Variants in AGBL1 observed in about 807,000 individuals in gnomAD.
The protein encoded by AGBL1 is AGBL carboxypeptidase 1.
A neutral mutation model predicts 118.9 loss-of-function variants in AGBL1; 130 were observed. That is an observed-to-expected ratio of 1.09 (90% CI 0.95 to 1.26). The LOEUF is 1.26. Ranked by LOEUF, AGBL1 falls within the 50% of genes most tolerant of loss-of-function variation. AGBL1 has a pLI of 0.00. For synonymous variants in AGBL1, 555 were observed against 478.9 expected, an observed-to-expected ratio of 1.16 and a Z score of -2.08; for missense variants, 1,584 against 1,298.1, an observed-to-expected ratio of 1.22 and a Z score of -3.38.
intron 5 of AGBL1, among the ~76,000 whole-genome samples, chr15:86,172,572 C>G (rs1365558612): frequency 6.6e-6 from 1 of 152,158 alleles, no homozygotes; most frequent in African/African-American, 2.4e-5. Context: ...CTTTTTAGCT[C>G]AGACATGTGA....
chr15:86,553,235 A>G (rs1236566298), intron 20 of AGBL1, among the ~76,000 whole-genome samples: 1 of 152,206 alleles, frequency 6.6e-6, no homozygotes, highest in East Asian at 1.9e-4. Context: ...TGTTAATGTC[A>G]TAAAAGTTCT....
At chr15:86,265,817 G>T (rs1045539300) in intron 11 of AGBL1, among the ~76,000 whole-genome samples, 1 of 152,162 alleles carries the variant, frequency 6.6e-6, no homozygotes, top group Non-Finnish European at 1.5e-5. Context: ...TGGAAATTCA[G>T]GAAGGTAATC....
rs115724885 is a variant in AGBL1, at chr15:86,253,103, G to A, written c.736-3750G>A. ...CTCAGGTGGGGGAGTAGAGTGGGAG[G>A]TGGGTGAGCTTGAGAAACACAGACA... On this transcript the variant is annotated intron_variant, in intron 7 of 22. Transcript: ENST00000614907. Among the ~76,000 whole-genome samples the A allele has an allele frequency of 6.4e-3, 969 of 152,258 alleles. 13 individuals are homozygous for A. Among genetic ancestry groups the A allele is most frequent in the African/African-American group, 0.022 (929 of 41,548 alleles).
At chr15:86,346,928 A>G (rs904191640) in intron 17 of AGBL1, among the ~76,000 whole-genome samples, 2 of 152,144 alleles carry the variant, frequency 1.3e-5, no homozygotes, top group African/African-American at 4.8e-5. Context: ...TTGTAGGTCA[A>G]CTTGGAAGGC....
intron 6 of AGBL1, among the ~76,000 whole-genome samples, chr15:86,243,144 AT>A (rs35453049): frequency 2.8e-4 from 43 of 151,582 alleles, no homozygotes; most frequent in African/African-American, 9.0e-4. Flanking sequence ...AAAAGGATAC[AT>A]TTTTTTTTCC....
At chr15:86,829,969 C>T (rs1053370749) in intron 22 of AGBL1, among the ~76,000 whole-genome samples, 13 of 152,000 alleles carry the variant, frequency 8.6e-5, no homozygotes, top group Non-Finnish European at 1.6e-4. Flanking sequence ...TTTTCACACA[C>T]CCCCAGGAGG....
At chr15:86,646,891 A>G (rs901934268) in intron 21 of AGBL1, among the ~76,000 whole-genome samples, 7 of 152,216 alleles carry the variant, frequency 4.6e-5, no homozygotes, top group African/African-American at 1.7e-4. Flanking sequence ...GATATATTTT[A>G]AAAATCAACA....
At chr15:86,515,795 C>G (rs1226042433) in intron 18 of AGBL1, among the ~76,000 whole-genome samples, 1 of 152,148 alleles carries the variant, frequency 6.6e-6, no homozygotes, top group Non-Finnish European at 1.5e-5. Context: ...ACAAAAGTAT[C>G]TGAGACAGAT....
At chr15:86,257,934 C>T in intron 8 of AGBL1, 30 bp from the exon 9 acceptor site, 3 of 1,606,358 alleles carry the variant, frequency 1.9e-6, no homozygotes, top group Non-Finnish European at 2.6e-6. Flanking sequence ...GGGGAAACTT[C>T]ACTTATTTCA....
chr15:86,907,453 T>C lies in AGBL1; in HGVS notation c.*159T>C, dbSNP rs1326022013. The stretch of plus-strand genomic sequence containing the variant: ...CCCATTTCCAGATTTTGTTCTAGTT[T>C]CCCTATGCGTAGAAGCTAGCCACTT... On this transcript the variant is annotated 3_prime_UTR_variant, in exon 23 of 23. Coordinates refer to ENST00000614907, the MANE Select transcript of AGBL1 (RefSeq NM_001386094.1). The C allele has an allele frequency of 2.0e-5, 3 of 152,392 alleles. No homozygotes were observed. The highest frequency in any genetic ancestry group is 1.9e-4 in the East Asian group (1 of 5,182). The allele number at this position is 152,392 out of a possible 1,614,324, so 9.4% of individuals were successfully genotyped here. A position where few individuals can be genotyped will look rare whatever the true frequency, so the allele number is the denominator to read the frequency against.
chr15:86,759,374 G>GT (rs2141268404), intron 22 of AGBL1, among the ~76,000 whole-genome samples: 1 of 152,152 alleles, frequency 6.6e-6, no homozygotes, highest in African/African-American at 2.4e-5. Context: ...CTCTTAGTCT[G>GT]TTTTCTCACT....
Position 86,097,315 on chromosome 15 carries a change from G to A in AGBL1, c.51+17292G>A, listed in dbSNP as rs984868510. Among the ~76,000 whole-genome samples, 5 of 152,136 alleles carry A rather than the reference G, an allele frequency of 3.3e-5. No homozygotes were observed. The East Asian group carries it at 9.6e-4, about 29-fold the overall frequency. On this transcript the variant is annotated intron_variant, in intron 1 of 22. Transcript: ENST00000614907. Reference sequence around the variant, plus strand: ...AGTATTTGTTGTTTCTGTATGTTGAGAACATTTCAGGTTCTCTCTTCTAGC... The same window carrying A: ...AGTATTTGTTGTTTCTGTATGTTGAAAACATTTCAGGTTCTCTCTTCTAGC...
intron 22 of AGBL1, among the ~76,000 whole-genome samples, chr15:86,736,107 G>A (rs1202630006): frequency 6.6e-6 from 1 of 152,178 alleles, no homozygotes; most frequent in East Asian, 1.9e-4. Context: ...ATTGGGCCAG[G>A]CATGGTGACT....
chr15:86,360,882 G>A (rs1298555796), intron 17 of AGBL1, among the ~76,000 whole-genome samples: 1 of 151,646 alleles, frequency 6.6e-6, no homozygotes, highest in East Asian at 1.9e-4. Flanking sequence ...TTTCTCTTAA[G>A]CTATCTAAAG....
intron 5 of AGBL1, among the ~76,000 whole-genome samples, chr15:86,215,780 G>T (rs572643832): frequency 3.3e-5 from 5 of 152,164 alleles, no homozygotes; most frequent in Non-Finnish European, 7.3e-5. Context: ...ACATATCCAC[G>T]TGCTTCTTGA....
At chr15:86,694,959 G>A (rs892115582) in intron 22 of AGBL1, among the ~76,000 whole-genome samples, 1 of 151,964 alleles carries the variant, frequency 6.6e-6, no homozygotes, top group Non-Finnish European at 1.5e-5. Flanking sequence ...CAATCATGGT[G>A]GATTATCTTT....
chr15:86,745,952 C>G (rs930903684), intron 22 of AGBL1, among the ~76,000 whole-genome samples: 2 of 152,064 alleles, frequency 1.3e-5, no homozygotes, highest in African/African-American at 4.8e-5. Context: ...TGATGTCTCT[C>G]TTTCAGGTAG....
rs10556535 is a variant in AGBL1 at position 86,913,200 on chromosome 15, T to TACACACACACAC, written c.*5923_*5934dup. On this transcript the variant is annotated 3_prime_UTR_variant, in exon 23 of 23. Coordinates refer to ENST00000614907, the MANE Select transcript of AGBL1 (RefSeq NM_001386094.1). Reference sequence around the variant, plus strand: ...TTGAGTTCCCCACCACACACACACATACACACACACACACACACACACACA... The same window carrying TACACACACACAC: ...TTGAGTTCCCCACCACACACACACATACACACACACACACACACACACACACACACACACACA... 3.4e-5 allele frequency: 5 copies of TACACACACACAC among 148,424 alleles called. No individual in the cohort carries two copies. The East Asian group carries it at 6.1e-4, about 18-fold the overall frequency. 9.2% of individuals were successfully genotyped at this position (148,424 alleles called of 1,614,324 possible).
intron 17 of AGBL1, among the ~76,000 whole-genome samples, chr15:86,306,769 T>A (rs2079847690): frequency 6.6e-6 from 1 of 152,192 alleles, no homozygotes; most frequent in South Asian, 2.1e-4. Flanking sequence ...TTGTACTAAT[T>A]TACATTCCCA....
Sources: allele counts gnomAD v4.1 joint callset (sites outside exome capture counted in the v4.1 genomes callset), GRCh38; gene constraint gnomAD v4.1.1; transcripts MANE v1.5; gene names NCBI Gene and HGNC (gene_info 2026-07-23, HGNC 2026-07-21).